The following SAMD4A variants were observed in gnomAD, a reference collection of about 807,000 sequenced individuals.
SAMD4A encodes the protein sterile alpha motif domain containing 4A.
Under a neutral mutation model 81.3 loss-of-function variants are expected in SAMD4A, and 33 were observed. That is an observed-to-expected ratio of 0.41 (90% CI 0.31 to 0.54). The LOEUF is 0.54. Ranked by LOEUF, SAMD4A falls within the 20% of genes least tolerant of loss-of-function variation. The probability of loss-of-function intolerance (pLI) is 0.37; values close to 1 mark genes in which losing one functional copy is unlikely to be tolerated. For synonymous variants in SAMD4A, 389 were observed against 382.1 expected, an observed-to-expected ratio of 1.02 and a Z score of -0.21; for missense variants, 854 against 951.1, an observed-to-expected ratio of 0.90 and a Z score of 1.34.
intron 2 of SAMD4A, among the ~76,000 whole-genome samples, chr14:54,691,160 T>C (rs1422125759): frequency 6.6e-6 from 1 of 152,176 alleles, no homozygotes; most frequent in Non-Finnish European, 1.5e-5. Flanking sequence ...CTGCTCCCCC[T>C]TACCTTTCCC....
chr14:54,788,554 C>T (rs75671514), intron 12 of SAMD4A, among the ~76,000 whole-genome samples: 2,446 of 152,298 alleles, frequency 0.016, 38 homozygotes, highest in South Asian at 0.05. Flanking sequence ...CCAGGCCAAC[C>T]GGGCAGCCAT....
intron 2 of SAMD4A, chr14:54,687,239 AAAGAG>A (rs140098986): frequency 0.075 from 30,244 of 402,516 alleles, 1,782 homozygotes; most frequent in African/African-American, 0.2. Context: ...GCAAAATAAG[AAAGAG>A]AAAAGATGGA....
intron 2 of SAMD4A, chr14:54,685,968 G>A (rs2036257650): frequency 2.3e-6 from 1 of 430,552 alleles, no homozygotes; most frequent in African/African-American, 2.0e-5. Context: ...CTTGACAACA[G>A]AAAGTGATGC....
chr14:54,586,851 G>A (rs1412017561), intron 2 of SAMD4A, among the ~76,000 whole-genome samples: 1 of 152,130 alleles, frequency 6.6e-6, no homozygotes, highest in Non-Finnish European at 1.5e-5. Context: ...TTTGAAGTCA[G>A]GTAATGTGAT....
rs2036108666 is a variant in SAMD4A, at chr14:54,680,859, G to A, written c.197-21203G>A. 2.0e-5 allele frequency among the ~76,000 whole-genome samples: 3 copies of A among 152,064 alleles called. No individual in the cohort carries two copies. In the South Asian group the frequency reaches 6.2e-4, roughly 31 times the overall value. ...TCTGGAGTCTCTTCTCCCCTCACTC[G>A]ACACACCCGATTCACTCCCACCCTG... On this transcript the variant is annotated intron_variant, in intron 2 of 12. Coordinates refer to ENST00000554335, the MANE Select transcript of SAMD4A (RefSeq NM_015589.6).
Position 54,567,637 on chromosome 14 carries a change from T to G in SAMD4A, c.-280T>G, listed in dbSNP as rs891189170. The stretch of plus-strand genomic sequence containing the variant: ...ATTCTTCATTCAGTTGTGTGCCTTG[T>G]GGGGGATTTTTAAAAAGTCGTTTTT... On this transcript the variant is annotated 5_prime_UTR_variant, in exon 2 of 13. Transcript: ENST00000554335. 1.1e-5 allele frequency: 5 copies of G among 444,354 alleles called. No homozygotes were observed. Among genetic ancestry groups the G allele is most frequent in the African/African-American group, 4.3e-5 (2 of 46,310 alleles). 27.5% of individuals were successfully genotyped at this position (444,354 alleles called of 1,614,324 possible).
chr14:54,602,026 AC>A (rs2034066370), intron 2 of SAMD4A, among the ~76,000 whole-genome samples: 1 of 152,196 alleles, frequency 6.6e-6, no homozygotes, highest in South Asian at 2.1e-4. Flanking sequence ...AGAAAGCAGG[AC>A]AGAAACAGCA....
chr14:54,631,311 T>C (rs1469854662), intron 2 of SAMD4A, among the ~76,000 whole-genome samples: 3 of 152,132 alleles, frequency 2.0e-5, no homozygotes, highest in Non-Finnish European at 4.4e-5. Flanking sequence ...ATAAAAACGT[T>C]CAGAATAACA....
intron 2 of SAMD4A, among the ~76,000 whole-genome samples, chr14:54,602,751 C>T (rs953273021): frequency 2.0e-5 from 3 of 150,160 alleles, no homozygotes; most frequent in Non-Finnish European, 4.4e-5. Flanking sequence ...ACATATGTAA[C>T]AAACCTGCAC....
At chr14:54,682,287 C>T (rs556674827) in intron 2 of SAMD4A, among the ~76,000 whole-genome samples, 2 of 152,346 alleles carry the variant, frequency 1.3e-5, no homozygotes, top group East Asian at 3.9e-4. Flanking sequence ...CCTCCTGTCT[C>T]TTCTGTTTGA....
intron 2 of SAMD4A, among the ~76,000 whole-genome samples, chr14:54,660,342 G>A (rs933501510): frequency 6.6e-6 from 1 of 152,226 alleles, no homozygotes; most frequent in Admixed American, 6.5e-5. Context: ...TAATGGGCCA[G>A]GGACATAAGC....
At chr14:54,594,151 A>G (rs752508999) in intron 2 of SAMD4A, among the ~76,000 whole-genome samples, 1 of 152,232 alleles carries the variant, frequency 6.6e-6, no homozygotes, top group African/African-American at 2.4e-5. Context: ...AAAGTCTTCC[A>G]TAACCACAGA....
At chr14:54,748,065 GGGCCTTT>G (rs749918319) in intron 4 of SAMD4A, among the ~76,000 whole-genome samples, 87 of 152,270 alleles carry the variant, frequency 5.7e-4, no homozygotes, top group Non-Finnish European at 9.8e-4. Flanking sequence ...GCCAATCTTT[GGGCCTTT>G]CAAGTCCTGA....
At chr14:54,615,952 A>G (rs578055741) in intron 2 of SAMD4A, among the ~76,000 whole-genome samples, 2 of 152,248 alleles carry the variant, frequency 1.3e-5, no homozygotes, top group East Asian at 1.9e-4. Flanking sequence ...CTCTTATCAG[A>G]AATTTCCTAT....
intron 2 of SAMD4A, 146 bp downstream of exon 2, chr14:54,568,258 C>A (rs969648024): frequency 1.8e-5 from 13 of 712,384 alleles, no homozygotes; most frequent in Non-Finnish European, 2.5e-5. Context: ...TCGGAATCCA[C>A]CCCCTCCGGG....
intron 11 of SAMD4A, chr14:54,784,229 CCAG>C: frequency 1.3e-6 from 1 of 790,406 alleles, no homozygotes. Context: ...GCCTTATGGG[CCAG>C]GGCAGGAGGT....
intron 3 of SAMD4A, among the ~76,000 whole-genome samples, chr14:54,712,819 CAGTG>C (rs1373167594): frequency 1.3e-5 from 2 of 152,118 alleles, no homozygotes; most frequent in Non-Finnish European, 2.9e-5. Context: ...ACTTCAGTGA[CAGTG>C]AGGGTTATTA....
intron 2 of SAMD4A, among the ~76,000 whole-genome samples, chr14:54,646,284 C>T (rs976219911): frequency 3.9e-5 from 6 of 152,152 alleles, no homozygotes; most frequent in Non-Finnish European, 8.8e-5. Flanking sequence ...GAAGCTTTCT[C>T]AGTACTACCT....
intron 2 of SAMD4A, among the ~76,000 whole-genome samples, chr14:54,648,890 A>G (rs1477122395): frequency 6.6e-6 from 1 of 152,144 alleles, no homozygotes; most frequent in Non-Finnish European, 1.5e-5. Context: ...GTTTCAGTAC[A>G]CCAGGTGGGA....
Sources: gnomAD v4.1 joint callset for allele counts (sites outside exome capture counted in the v4.1 genomes callset) on GRCh38, gnomAD v4.1.1 for gene constraint, MANE v1.5 for transcripts, NCBI Gene and HGNC (gene_info 2026-07-23, HGNC 2026-07-21) for gene names.